The following RFX8 variants were observed in gnomAD, a reference collection of about 807,000 sequenced individuals.
RFX8 encodes regulatory factor X8, also known as DNA-binding protein RFX8.
Under a neutral mutation model 54.6 loss-of-function variants are expected in RFX8, and 46 were observed. The ratio of observed to expected loss-of-function variants is 0.84; its 90% CI spans 0.67 to 1.08. The LOEUF is 1.08. RFX8 is among the 50% of genes least tolerant of loss of function. The probability of loss-of-function intolerance (pLI) is 0.00; values close to 1 mark genes in which losing one functional copy is unlikely to be tolerated. For synonymous variants in RFX8, 192 were observed against 209.5 expected (o/e 0.92, Z 0.72); for missense variants, 536 against 562.3 (o/e 0.95, Z 0.47).
At chr2:101,474,133 C>G (rs948088573) in intron 1 of RFX8, 2 of 556,458 alleles carry the variant, frequency 3.6e-6, no homozygotes, top group Non-Finnish European at 6.3e-6. Flanking sequence ...GCAGCCGTAG[C>G]GGGAACCACG....
intron 2 of RFX8, among the ~76,000 whole-genome samples, chr2:101,459,960 C>T (rs889505904): frequency 2.0e-5 from 3 of 152,130 alleles, no homozygotes; most frequent in Non-Finnish European, 4.4e-5. Flanking sequence ...CCCGCCCCAC[C>T]CCCCACCTGG....
rs998539290 is a variant in RFX8, at chr2:101,422,471, C to A, written c.74G>T (p.Cys25Phe). 2 of 1,517,348 alleles carry A rather than the reference C, an allele frequency of 1.3e-6. No homozygotes were observed. Among genetic ancestry groups the A allele is most frequent in the Non-Finnish European group, 1.8e-6 (2 of 1,115,834 alleles). The allele number at this position is 1,517,348 out of a possible 1,614,324, so 94.0% of individuals were successfully genotyped here. A position where few individuals can be genotyped will look rare whatever the true frequency, so the allele number is the denominator to read the frequency against. Residue 25 changes from cysteine (C) to phenylalanine (F), a missense_variant and splice_region_variant, in exon 3 of 12, where the codon TGT becomes TTT. Coordinates refer to ENST00000428343, the MANE Select transcript of RFX8 (RefSeq NM_001145664.2). ...NQVNPATFGK[C>F]EDHSPMKTDP... ...TGTCTTCATCGGTGAATGATCTTCA[C>A]ACTAAAAATCATTTGTGCAATGGAT...
chr2:101,461,262 C>CAAAAAA (rs11350961), intron 2 of RFX8, among the ~76,000 whole-genome samples: 118 of 89,816 alleles, frequency 1.3e-3, no homozygotes, highest in East Asian at 2.7e-3. Flanking sequence ...GACTCCATCT[C>CAAAAAA]AAAAAAAAAA....
intron 2 of RFX8, among the ~76,000 whole-genome samples, chr2:101,449,127 A>G (rs778760395): frequency 3.3e-5 from 5 of 152,188 alleles, no homozygotes; most frequent in Non-Finnish European, 7.3e-5. Flanking sequence ...TGCATTTGAT[A>G]TGTTCAGGGA....
chr2:101,461,599 C>T (rs935853369), intron 2 of RFX8, among the ~76,000 whole-genome samples: 1 of 152,144 alleles, frequency 6.6e-6, no homozygotes, highest in Admixed American at 6.5e-5. Context: ...CAACATAATA[C>T]TCTGTACATT....
At chr2:101,455,433 T>A (rs1688914459) in intron 2 of RFX8, among the ~76,000 whole-genome samples, 1 of 152,244 alleles carries the variant, frequency 6.6e-6, no homozygotes, top group African/African-American at 2.4e-5. Context: ...TTTCTACATA[T>A]GGTTAGCCAG....
intron 2 of RFX8, among the ~76,000 whole-genome samples, chr2:101,428,437 C>T (rs921810192): frequency 6.6e-6 from 1 of 152,162 alleles, no homozygotes; most frequent in Non-Finnish European, 1.5e-5. Context: ...AACCTGGCCA[C>T]GCTGGCACCT....
intron 2 of RFX8, among the ~76,000 whole-genome samples, chr2:101,454,127 T>A (rs1278374582): frequency 7.1e-6 from 1 of 141,220 alleles, no homozygotes; most frequent in Non-Finnish European, 1.5e-5. Context: ...AATTCCCACC[T>A]ATGAGTGAGA....
chr2:101,450,928 A>G (rs1573456796), intron 2 of RFX8, among the ~76,000 whole-genome samples: 1 of 152,308 alleles, frequency 6.6e-6, no homozygotes, highest in South Asian at 2.1e-4. Context: ...TGCCTGATGC[A>G]GCACACACTA....
chr2:101,471,507 T>C (rs1689989722), intron 1 of RFX8, among the ~76,000 whole-genome samples: 1 of 152,224 alleles, frequency 6.6e-6, no homozygotes. Flanking sequence ...TAAAAGTCTA[T>C]GTGGGAGATA....
chr2:101,454,719 C>A (rs976808394), intron 2 of RFX8, among the ~76,000 whole-genome samples: 1 of 152,022 alleles, frequency 6.6e-6, no homozygotes, highest in Non-Finnish European at 1.5e-5. Context: ...CTGTTCATAC[C>A]CTTTACCCAC....
intron 2 of RFX8, chr2:101,428,809 T>G (rs1687327158): frequency 1.7e-6 from 1 of 602,438 alleles, no homozygotes. Context: ...GTGGTGGCAC[T>G]GAACATTCAT....
chr2:101,456,464 A>G (rs561059547), intron 2 of RFX8, among the ~76,000 whole-genome samples: 6 of 152,240 alleles, frequency 3.9e-5, no homozygotes, highest in Non-Finnish European at 7.4e-5. Flanking sequence ...GCATCTATTG[A>G]GATAATCATG....
intron 2 of RFX8, among the ~76,000 whole-genome samples, chr2:101,443,799 G>A (rs754588818): frequency 2.0e-5 from 3 of 152,150 alleles, no homozygotes; most frequent in Non-Finnish European, 4.4e-5. Context: ...GACTAGGAAA[G>A]GGAAGGGAAG....
intron 2 of RFX8, among the ~76,000 whole-genome samples, chr2:101,464,100 T>C (rs1353928843): frequency 6.6e-6 from 1 of 152,150 alleles, no homozygotes. Flanking sequence ...GAAGTCGCCA[T>C]GTGGTTACTT....
At chr2:101,449,833 G>T (rs923552018) in intron 2 of RFX8, among the ~76,000 whole-genome samples, 8 of 152,038 alleles carry the variant, frequency 5.3e-5, no homozygotes, top group Admixed American at 4.6e-4. Flanking sequence ...ATGAGATCTC[G>T]GGGAGAGCCT....
chr2:101,427,580 C>T (rs922883816), intron 2 of RFX8, among the ~76,000 whole-genome samples: 6 of 152,126 alleles, frequency 3.9e-5, no homozygotes, highest in Non-Finnish European at 8.8e-5. Flanking sequence ...ACTTCCAGGG[C>T]GTGTGATAAC....
intron 4 of RFX8, among the ~76,000 whole-genome samples, chr2:101,420,731 C>G (rs1558853754): frequency 6.6e-6 from 1 of 152,166 alleles, no homozygotes; most frequent in African/African-American, 2.4e-5. Flanking sequence ...CTACTAGAGT[C>G]AGCAGCAACG....
At chr2:101,437,690 C>A (rs747238692) in intron 2 of RFX8, among the ~76,000 whole-genome samples, 12 of 152,222 alleles carry the variant, frequency 7.9e-5, no homozygotes, top group Non-Finnish European at 1.6e-4. Context: ...TTTAGTTTCC[C>A]CCGATGGTTA....
Sources: allele counts gnomAD v4.1 joint callset (sites outside exome capture counted in the v4.1 genomes callset), GRCh38; gene constraint gnomAD v4.1.1; transcripts MANE v1.5; gene names NCBI Gene and HGNC (gene_info 2026-07-23, HGNC 2026-07-21).